The following DYM variants were observed in gnomAD, a reference collection of about 807,000 sequenced individuals.
DYM encodes the protein dyggve-Melchior-Clausen syndrome protein.
DYM carries 78 observed loss-of-function variants against 93.1 expected under a neutral mutation model. The observed-to-expected ratio is 0.84, with a 90% CI of 0.70 to 1.01. The LOEUF (loss-of-function observed/expected upper bound fraction) is 1.01, where lower values mean the gene tolerates loss of function less well. DYM is among the 50% of genes least tolerant of loss of function. The pLI, the probability that DYM is intolerant of heterozygous loss-of-function variation, is 0.00. For synonymous variants in DYM, 321 were observed against 319.7 expected, an observed-to-expected ratio of 1.00 and a Z score of -0.04; for missense variants, 789 against 845.0, an observed-to-expected ratio of 0.93 and a Z score of 0.82.
At chr18:49,230,136 G>A (rs1057007223) in intron 13 of DYM, among the ~76,000 whole-genome samples, 4 of 152,134 alleles carry the variant, frequency 2.6e-5, no homozygotes, top group Admixed American at 2.6e-4. Flanking sequence ...GTAAATACAT[G>A]ACTATATGTG....
At position 49,118,593 on chromosome 18, in the gene DYM, TACC is replaced by T. The variant is rs1043004739; in HGVS notation, c.1911+148_1911+150del. 14 of 734,368 alleles carry T rather than the reference TACC, an allele frequency of 1.9e-5. No individual in the cohort carries two copies. In the East Asian group the frequency reaches 2.4e-4, roughly 13 times the overall value. 45.5% of individuals were successfully genotyped at this position (734,368 alleles called of 1,614,324 possible). A position where few individuals can be genotyped will look rare whatever the true frequency, so the allele number is the denominator to read the frequency against. On this transcript the variant is annotated intron_variant, in intron 16 of 17. Coordinates refer to ENST00000675505, the MANE Select transcript of DYM (RefSeq NM_001353214.3). ...GTGTATATACAACACACACACAGATTACCACAACTATTATAGTAAAATAGACTG... is the reference window on the plus strand; with the variant it reads ...GTGTATATACAACACACACACAGATTACAACTATTATAGTAAAATAGACTG...
chr18:49,232,603 C>CTTTT (rs777802663), intron 13 of DYM, among the ~76,000 whole-genome samples: 28 of 94,406 alleles, frequency 3.0e-4, no homozygotes, highest in African/African-American at 3.7e-4. Context: ...TGCCCGGCCT[C>CTTTT]TTTTTTTTTT....
chr18:49,186,923 T>C (rs940522708), intron 14 of DYM, among the ~76,000 whole-genome samples: 52 of 103,372 alleles, frequency 5.0e-4, no homozygotes, highest in African/African-American at 1.3e-3. Context: ...CAATCTTCTT[T>C]TTTTTTTTTT....
chr18:49,242,735 A>G (rs1247950221), intron 13 of DYM, among the ~76,000 whole-genome samples: 2 of 152,152 alleles, frequency 1.3e-5, no homozygotes, highest in African/African-American at 4.8e-5. Flanking sequence ...AGTCTAGCTC[A>G]GTTGCTCAGG....
At chr18:49,282,376 A>G (rs548304574) in intron 9 of DYM, among the ~76,000 whole-genome samples, 302 of 152,338 alleles carry the variant, frequency 2.0e-3, no homozygotes, top group African/African-American at 6.7e-3. Context: ...GCACTTTGGG[A>G]GGCCGAGACA....
chr18:49,251,738 C>T (rs1404307445), intron 13 of DYM, among the ~76,000 whole-genome samples: 1 of 152,168 alleles, frequency 6.6e-6, no homozygotes, highest in African/African-American at 2.4e-5. Flanking sequence ...TAAAGAACAT[C>T]ATCACCAAGA....
intron 1 of DYM, among the ~76,000 whole-genome samples, chr18:49,444,657 C>A (rs78016379): frequency 1.8e-3 from 279 of 152,184 alleles, no homozygotes; most frequent in African/African-American, 6.5e-3. Flanking sequence ...CAAGTAGAAA[C>A]GAACATTCCA....
chr18:49,130,035 A>G lies in DYM; in HGVS notation c.1729-11109T>C, dbSNP rs545222902. ...AACCAAGTTGGGTTCAGGATCCTAT[A>G]CGCATACCAATATCAAGCACAGGTC... On this transcript the variant is annotated intron_variant, in intron 15 of 17. Transcript: ENST00000675505. Among the ~76,000 whole-genome samples, 3 of 152,312 alleles carry G rather than the reference A, an allele frequency of 2.0e-5. No homozygotes were observed. In the East Asian group the frequency reaches 5.8e-4, roughly 29 times the overall value.
chr18:49,225,057 T>C (rs2093480663), intron 13 of DYM, among the ~76,000 whole-genome samples: 1 of 152,104 alleles, frequency 6.6e-6, no homozygotes, highest in Non-Finnish European at 1.5e-5. Flanking sequence ...CAACAATTCT[T>C]TTCATTAGTA....
At chr18:49,345,723 A>C (rs1321693159) in intron 6 of DYM, among the ~76,000 whole-genome samples, 4 of 152,226 alleles carry the variant, frequency 2.6e-5, no homozygotes, top group Non-Finnish European at 4.4e-5. Context: ...AAGATGGATA[A>C]ATTTAAATTA....
intron 14 of DYM, among the ~76,000 whole-genome samples, chr18:49,196,763 A>T (rs1269349201): frequency 6.6e-6 from 1 of 152,178 alleles, no homozygotes; most frequent in Non-Finnish European, 1.5e-5. Context: ...AAGTCACTAA[A>T]GGGTTGAGCA....
At chr18:49,307,313 C>A (rs2061331316) in intron 8 of DYM, among the ~76,000 whole-genome samples, 1 of 152,094 alleles carries the variant, frequency 6.6e-6, no homozygotes, top group African/African-American at 2.4e-5. Flanking sequence ...TGTTGCTTCA[C>A]TGTGGATTGT....
chr18:49,137,156 G>A (rs1328652843), intron 15 of DYM, among the ~76,000 whole-genome samples: 1 of 152,142 alleles, frequency 6.6e-6, no homozygotes, highest in African/African-American at 2.4e-5. Context: ...CATATCTTCT[G>A]CTATGACCAA....
intron 8 of DYM, among the ~76,000 whole-genome samples, chr18:49,327,656 A>G (rs1407486817): frequency 6.6e-6 from 1 of 152,150 alleles, no homozygotes; most frequent in Non-Finnish European, 1.5e-5. Context: ...TGCACCTGGC[A>G]TCTACTCTAT....
At chr18:49,147,355 T>C (rs994402715) in intron 15 of DYM, among the ~76,000 whole-genome samples, 39 of 151,792 alleles carry the variant, frequency 2.6e-4, no homozygotes, top group Non-Finnish European at 5.2e-4. Context: ...TGGGATGTAA[T>C]TAAACTAAAG....
chr18:49,384,094 T>G (rs1167701857), intron 3 of DYM, among the ~76,000 whole-genome samples: 1 of 149,720 alleles, frequency 6.7e-6, no homozygotes, highest in African/African-American at 2.5e-5. Flanking sequence ...GAGGCCAAGG[T>G]GAGAGAATTG....
intron 15 of DYM, among the ~76,000 whole-genome samples, chr18:49,135,600 T>C (rs527953753): frequency 5.3e-5 from 8 of 152,304 alleles, no homozygotes; most frequent in African/African-American, 1.9e-4. Flanking sequence ...ATGTTTCTTA[T>C]TAGGTACAGA....
At chr18:49,260,931 C>G (rs923313418) in intron 11 of DYM, among the ~76,000 whole-genome samples, 2 of 150,406 alleles carry the variant, frequency 1.3e-5, no homozygotes, top group African/African-American at 4.9e-5. Context: ...AACAGCAGGA[C>G]AAATCCAGAA....
intron 17 of DYM, among the ~76,000 whole-genome samples, chr18:49,075,273 T>C (rs1400939500): frequency 1.3e-5 from 2 of 152,106 alleles, no homozygotes; most frequent in Non-Finnish European, 2.9e-5. Context: ...CTCAATACCA[T>C]CCCATTTGAG....
Sources: allele counts gnomAD v4.1 joint callset (sites outside exome capture counted in the v4.1 genomes callset), GRCh38; gene constraint gnomAD v4.1.1; transcripts MANE v1.5; gene names NCBI Gene and HGNC (gene_info 2026-07-23, HGNC 2026-07-21).